The following COL27A1 variants were observed in gnomAD, a reference collection of about 807,000 sequenced individuals.
COL27A1 encodes collagen type XXVII alpha 1 chain.
In COL27A1, 106 loss-of-function variants were observed where a neutral mutation model predicts 251.3. The ratio of observed to expected loss-of-function variants is 0.42; its 90% CI spans 0.36 to 0.50. The LOEUF is 0.50. Ranked by LOEUF, COL27A1 falls within the 20% of genes least tolerant of loss-of-function variation. COL27A1 has a pLI of 0.00. For missense variants in COL27A1, 2,325 were observed against 2,522.8 expected (o/e 0.92, Z 1.68); for synonymous variants, 1,000 against 986.3 (o/e 1.01, Z -0.26).
At chr9:114,289,044 C>G (rs1827717375) in intron 44 of COL27A1, 77 bp downstream of exon 44, 4 of 1,559,532 alleles carry the variant, frequency 2.6e-6, no homozygotes, top group Non-Finnish European at 3.5e-6. Context: ...GAACTAGGCC[C>G]TTTAAAGCTT....
intron 34 of COL27A1, 25 bp from the exon 35 acceptor site, chr9:114,269,216 A>G (rs1834954520): frequency 5.1e-6 from 8 of 1,569,798 alleles, no homozygotes; most frequent in Non-Finnish European, 6.1e-6. Flanking sequence ...CCCACCCGCA[A>G]GGACTTTTGT....
intron 52 of COL27A1, 65 bp downstream of exon 52, chr9:114,301,190 C>G: frequency 6.2e-7 from 1 of 1,611,188 alleles, no homozygotes; most frequent in Non-Finnish European, 8.5e-7. Context: ...CAGATTGTCT[C>G]TGTGACTCAG....
intron 17 of COL27A1, 100 bp from the exon 18 acceptor site, chr9:114,236,881 G>A (rs775587989): frequency 1.1e-5 from 12 of 1,052,658 alleles, no homozygotes; most frequent in African/African-American, 1.6e-5. Context: ...CCTCCAAGGC[G>A]GGCGTTCTCT....
At chr9:114,302,135 T>C (rs921512143) in intron 56 of COL27A1, 27 bp downstream of exon 56, 2 of 1,599,466 alleles carry the variant, frequency 1.3e-6, no homozygotes, top group Non-Finnish European at 1.7e-6. Flanking sequence ...CTCTTTTGCC[T>C]ACTTGGGGTA....
chr9:114,259,265 G>A (rs530042502), intron 28 of COL27A1, among the ~76,000 whole-genome samples: 3 of 152,148 alleles, frequency 2.0e-5, no homozygotes, highest in Non-Finnish European at 2.9e-5. Flanking sequence ...AAGCGAGGCA[G>A]GGCCTCAAAA....
At chr9:114,192,674 C>T (rs939347300) in intron 5 of COL27A1, among the ~76,000 whole-genome samples, 3 of 152,202 alleles carry the variant, frequency 2.0e-5, no homozygotes, top group Non-Finnish European at 4.4e-5. Context: ...GGGACTTGGC[C>T]TTCTCTGAAC....
intron 28 of COL27A1, among the ~76,000 whole-genome samples, chr9:114,260,790 C>T (rs961816123): frequency 5.3e-5 from 8 of 152,170 alleles, no homozygotes; most frequent in African/African-American, 1.9e-4. Context: ...TCTCAGCACC[C>T]CCGGTTCCCA....
At chr9:114,235,483 G>A (rs1445927245) in intron 16 of COL27A1, 116 bp from the exon 17 acceptor site, 7 of 819,676 alleles carry the variant, frequency 8.5e-6, no homozygotes, top group South Asian at 2.7e-5. Context: ...GCTGCTGGCC[G>A]GATCCGACTT....
Position 114,292,118 on chromosome 9 carries a change from C to T in COL27A1, c.4492C>T (p.Pro1498Ser), listed in dbSNP as rs753536367. 12 of 1,557,884 alleles carry T rather than the reference C, an allele frequency of 7.7e-6. No homozygotes were observed. The Admixed American group carries it at 2.3e-4, about 30-fold the overall frequency. ...PPGFKGESGL[P>S]GQLGPPGKRG... Reference sequence around the variant, plus strand: ...TTTCTTTAAGGGTGAGAGTGGGTTACCCGGACAGCTGGGTCCCCCTGGCAA... The same window carrying T: ...TTTCTTTAAGGGTGAGAGTGGGTTATCCGGACAGCTGGGTCCCCCTGGCAA... Residue 1498 changes from proline (P) to serine (S), a missense_variant, in exon 49 of 61, where the codon CCC (proline) becomes TCC (serine). Physicochemically the swap from Pro to Ser is moderately conservative, Grantham distance 74. Around this residue, in one of 4 missense-constraint regions of COL27A1, gnomAD observed 153 missense variants for 140.7 expected, o/e 1.09. Transcript: ENST00000356083.
chr9:114,219,747 A>G lies in COL27A1; in HGVS notation c.2368-44A>G, dbSNP rs201967917. Reference sequence around the variant, plus strand: ...TGGATCAAAGCCCACCCTGAAGGTGACAACACTAACCTACAGATGTTTGTT... The same window carrying G: ...TGGATCAAAGCCCACCCTGAAGGTGGCAACACTAACCTACAGATGTTTGTT... On this transcript the variant is annotated intron_variant, in intron 12 of 60. Transcript: ENST00000356083. 30 of 1,430,402 alleles carry G rather than the reference A, an allele frequency of 2.1e-5. No individual in the cohort carries two copies. In the Admixed American group the frequency reaches 2.2e-4, roughly 10 times the overall value. The allele number at this position is 1,430,402 out of a possible 1,614,324, so 88.6% of individuals were successfully genotyped here. A position where few individuals can be genotyped will look rare whatever the true frequency, so the allele number is the denominator to read the frequency against.
chr9:114,186,863 T>A (rs550234341), intron 5 of COL27A1, among the ~76,000 whole-genome samples: 1 of 151,702 alleles, frequency 6.6e-6, no homozygotes, highest in African/African-American at 2.4e-5. Context: ...CATGGTGGAG[T>A]CAGGTGGGAT....
chr9:114,269,951 A>C (rs1588835848), intron 35 of COL27A1, among the ~76,000 whole-genome samples: 1 of 152,280 alleles, frequency 6.6e-6, no homozygotes, highest in East Asian at 1.9e-4. Flanking sequence ...ACTTAATTTG[A>C]TGGCCATTTC....
chr9:114,219,655 G>A (rs572226822), intron 12 of COL27A1, 136 bp from the exon 13 acceptor site: 28 of 654,826 alleles, frequency 4.3e-5, no homozygotes, highest in Admixed American at 9.4e-5. Flanking sequence ...CCTCAGGACC[G>A]CACTGTCTGC....
intron 19 of COL27A1, among the ~76,000 whole-genome samples, chr9:114,238,002 G>A (rs1032906084): frequency 1.3e-5 from 2 of 152,122 alleles, no homozygotes; most frequent in African/African-American, 2.4e-5. Context: ...CCCTCTGTGC[G>A]CCACTGTCTG....
At chr9:114,210,013 G>A (rs1308963440) in intron 11 of COL27A1, among the ~76,000 whole-genome samples, 2 of 152,192 alleles carry the variant, frequency 1.3e-5, no homozygotes, top group Admixed American at 1.3e-4. Flanking sequence ...GGCTGGAGAG[G>A]ACCCTGGGGC....
rs776176844 is a variant in COL27A1, at chr9:114,304,534, C to T, written c.4873-74C>T. The T allele has an allele frequency of 5.0e-6, 7 of 1,400,140 alleles. No homozygotes were observed. In the Admixed American group the frequency reaches 1.0e-4, roughly 20 times the overall value. The allele number at this position is 1,400,140 out of a possible 1,614,324, so 86.7% of individuals were successfully genotyped here. A position where few individuals can be genotyped will look rare whatever the true frequency, so the allele number is the denominator to read the frequency against. The stretch of plus-strand genomic sequence containing the variant: ...CCAAGATCCTGCCAGGGAATGTGGC[C>T]CTGGGGCTCCCACTTGATGGGTGTG... On this transcript the variant is annotated intron_variant, in intron 56 of 60. Transcript: ENST00000356083.
At chr9:114,163,153 C>A (rs1384016828) in intron 2 of COL27A1, among the ~76,000 whole-genome samples, 1 of 151,964 alleles carries the variant, frequency 6.6e-6, no homozygotes, top group African/African-American at 2.4e-5. Context: ...AGAATCGCTT[C>A]AACCCAGGAG....
chr9:114,258,576 G>A lies in COL27A1; in HGVS notation c.3177G>A (p.Arg1059=), dbSNP rs2135560741. ...GATCTCGAGGCCCACCAGGCATGAG[G>A]GGAGCAAAGGGACGTCGGGTAAGTC... ...PPGSRGPPGM[R]GAKGRRGPRG... is the part of the protein sequence containing the mutation. The change falls in exon 28 of 61, where the codon AGG becomes AGA. Residue 1059 remains arginine (R), a synonymous_variant. Transcript: ENST00000356083. The A allele has an allele frequency of 6.2e-7, 1 of 1,614,122 alleles. No homozygotes were observed. The highest frequency in any genetic ancestry group is 1.1e-5 in the South Asian group (1 of 91,046).
chr9:114,296,737 C>T (rs1828283020), intron 49 of COL27A1, among the ~76,000 whole-genome samples: 2 of 152,082 alleles, frequency 1.3e-5, no homozygotes. Flanking sequence ...CATTCAGCCA[C>T]ATGAAGACTA....
Sources: allele counts gnomAD v4.1 joint callset (sites outside exome capture counted in the v4.1 genomes callset), GRCh38; gene constraint gnomAD v4.1.1; regional missense constraint gnomAD v4.1.1; transcripts MANE v1.5; gene names NCBI Gene and HGNC (gene_info 2026-07-23, HGNC 2026-07-21).